FXN: variants seen among roughly 807,000 people sequenced by gnomAD.
FXN encodes frataxin, mitochondrial.
A neutral mutation model predicts 22.4 loss-of-function variants in FXN; 14 were observed. The observed-to-expected ratio is 0.62, with a 90% CI of 0.41 to 0.98. The LOEUF (loss-of-function observed/expected upper bound fraction) is 0.98. FXN is among the 50% of genes least tolerant of loss of function. FXN has a pLI of 0.00. For missense variants in FXN, 267 were observed against 268.4 expected, an observed-to-expected ratio of 0.99 and a Z score of 0.04; for synonymous variants, 120 against 114.1, an observed-to-expected ratio of 1.05 and a Z score of -0.33.
Position 69,072,894 on chromosome 9 carries a change from A to C in FXN, c.*132A>C, listed in dbSNP as rs1231680665. ...TCCTGCTTTTGAGGACAGTTGGGCT[A>C]TGTGTCACAGCTCTGTAGAAAGAAT... On this transcript the variant is annotated 3_prime_UTR_variant, in exon 5 of 5. Transcript: ENST00000484259. 1 of 1,551,414 alleles carries C rather than the reference A, an allele frequency of 6.4e-7. No individual in the cohort carries two copies. The highest frequency in any genetic ancestry group is 8.7e-7 in the Non-Finnish European group (1 of 1,154,590).
rs1360546356 is a variant in FXN at position 69,074,511 on chromosome 9, C to T, written c.*1749C>T. 1.0e-6 allele frequency: 1 copy of T among 958,452 alleles called. No homozygotes were observed. Among genetic ancestry groups the T allele is most frequent in the Admixed American group, 7.9e-5 (1 of 12,738 alleles). 59.4% of individuals were successfully genotyped at this position (958,452 alleles called of 1,614,324 possible). ...ATCGTACCTGAGCGACAGAGCGAGA[C>T]TCCGTCTCAAAAAAAAAAAAAAGGA... On this transcript the variant is annotated 3_prime_UTR_variant, in exon 5 of 5. Transcript: ENST00000484259.
At position 69,072,615 on chromosome 9, in the gene FXN, A is replaced by C. The variant is rs202038201; in HGVS notation, c.486A>C (p.Gly162=). 6.2e-7 allele frequency: 1 copy of C among 1,614,032 alleles called. No homozygotes were observed. Among genetic ancestry groups the C allele is most frequent in the Non-Finnish European group, 8.5e-7 (1 of 1,180,014 alleles). The part of the protein sequence containing the change: ...KQIWLSSPSS[G]PKRYDWTGKN... ...ATGCATTTGTTTTGTCTTCCAGTGGACCTAAGCGTTATGACTGGACTGGGA... is the reference window on the plus strand; with the variant it reads ...ATGCATTTGTTTTGTCTTCCAGTGGCCCTAAGCGTTATGACTGGACTGGGA... The change falls in exon 5 of 5, where the codon GGA becomes GGC. Residue 162 remains glycine (G), a synonymous_variant. Transcript: ENST00000484259.
chr9:69,039,068 C>T (rs1379641894), intron 1 of FXN, among the ~76,000 whole-genome samples: 1 of 151,978 alleles, frequency 6.6e-6, no homozygotes, highest in Non-Finnish European at 1.5e-5. Flanking sequence ...GCCTGGCCAA[C>T]ATGGTGAAAC....
chr9:69,071,499 T>C lies in FXN; in HGVS notation c.483-1113T>C, dbSNP rs113108371. Reference sequence around the variant, plus strand: ...CAGGGTGCCACATGCACTAGTGTTATCTGCTGCCGTGGCCAATCATCCATG... The same window carrying C: ...CAGGGTGCCACATGCACTAGTGTTACCTGCTGCCGTGGCCAATCATCCATG... On this transcript the variant is annotated intron_variant, in intron 4 of 4. Transcript: ENST00000484259. Among the ~76,000 whole-genome samples, 287 of 152,316 alleles carry C rather than the reference T, an allele frequency of 1.9e-3. 1 individual carries two copies. The highest frequency in any genetic ancestry group is 6.5e-3 in the African/African-American group (272 of 41,576).
Position 69,072,769 on chromosome 9 carries a change from GC to G in FXN, c.*11del. ...TTCCGGAAAAGATGCTTGATGCCCA[GC>G]CCCGTTTTAAGGACATTAAAAGCTA... On this transcript the variant is annotated 3_prime_UTR_variant, in exon 5 of 5. Coordinates refer to ENST00000484259, the MANE Select transcript of FXN (RefSeq NM_000144.5). 1 of 1,614,090 alleles carries G rather than the reference GC, an allele frequency of 6.2e-7. No homozygotes were observed. The highest frequency in any genetic ancestry group is 8.5e-7 in the Non-Finnish European group (1 of 1,180,024).
At chr9:69,064,176 A>G (rs1832126233) in intron 3 of FXN, among the ~76,000 whole-genome samples, 1 of 152,196 alleles carries the variant, frequency 6.6e-6, no homozygotes, top group South Asian at 2.1e-4. Flanking sequence ...TGTTTCTTTC[A>G]TATCTCACCC....
At chr9:69,069,416 A>G (rs754401753) in intron 4 of FXN, among the ~76,000 whole-genome samples, 1 of 152,214 alleles carries the variant, frequency 6.6e-6, no homozygotes, top group African/African-American at 2.4e-5. Context: ...CAGGCCATGA[A>G]TGTTGGAGTG....
chr9:69,054,337 C>T (rs2133112521), intron 3 of FXN, among the ~76,000 whole-genome samples: 1 of 152,264 alleles, frequency 6.6e-6, no homozygotes, highest in South Asian at 2.1e-4. Context: ...AACATTAGCC[C>T]CAGATCCTAG....
intron 3 of FXN, 40 bp from the exon 4 acceptor site, chr9:69,064,898 T>C (rs1424691201): frequency 1.1e-5 from 14 of 1,308,788 alleles, no homozygotes; most frequent in Non-Finnish European, 1.4e-5. Context: ...CTTTTTCTTG[T>C]TTTAATTTCT....
At chr9:69,056,042 C>T (rs527814760) in intron 3 of FXN, among the ~76,000 whole-genome samples, 1 of 152,134 alleles carries the variant, frequency 6.6e-6, no homozygotes, top group Non-Finnish European at 1.5e-5. Context: ...TGCCACCATA[C>T]TCGGCTAATT....
chr9:69,037,805 T>C (rs540163645), intron 1 of FXN, among the ~76,000 whole-genome samples: 1 of 152,278 alleles, frequency 6.6e-6, no homozygotes, highest in Non-Finnish European at 1.5e-5. Flanking sequence ...CCCGAGTAGC[T>C]GGGATTATCG....
At chr9:69,067,041 T>G (rs1832179504) in intron 4 of FXN, among the ~76,000 whole-genome samples, 1 of 151,670 alleles carries the variant, frequency 6.6e-6, no homozygotes, top group Non-Finnish European at 1.5e-5. Flanking sequence ...CGGATGGGAG[T>G]CGGGGGAAGG....
chr9:69,042,339 G>A (rs1424357092), intron 1 of FXN, among the ~76,000 whole-genome samples: 4 of 151,882 alleles, frequency 2.6e-5, no homozygotes, highest in African/African-American at 7.3e-5. Flanking sequence ...AGGCAGAGGC[G>A]GAAGTTTGCC....
intron 4 of FXN, among the ~76,000 whole-genome samples, chr9:69,067,204 C>T (rs1358589003): frequency 6.6e-6 from 1 of 152,252 alleles, no homozygotes; most frequent in African/African-American, 2.4e-5. Context: ...CGCTCCGGGC[C>T]TCACCACCAG....
Position 69,072,971 on chromosome 9 carries a change from AT to A in FXN, c.*215del. 1 of 1,436,744 alleles carries A rather than the reference AT, an allele frequency of 7.0e-7. No homozygotes were observed. The highest frequency in any genetic ancestry group is 9.1e-7 in the Non-Finnish European group (1 of 1,103,740). 89.0% of individuals were successfully genotyped at this position (1,436,744 alleles called of 1,614,324 possible). On this transcript the variant is annotated 3_prime_UTR_variant, in exon 5 of 5. Transcript: ENST00000484259. ...TTCTGATTTTTAATTTCTATGGAAG[AT>A]TTTTTGGATTGTCGGATTTCCTCCC...
intron 1 of FXN, among the ~76,000 whole-genome samples, chr9:69,045,181 G>A (rs990003116): frequency 1.3e-5 from 2 of 151,934 alleles, no homozygotes; most frequent in Non-Finnish European, 2.9e-5. Flanking sequence ...AAATTTAAAT[G>A]TAAATAGCTA....
chr9:69,047,974 T>C (rs902675523), intron 2 of FXN, among the ~76,000 whole-genome samples: 1 of 152,122 alleles, frequency 6.6e-6, no homozygotes, highest in African/African-American at 2.4e-5. Flanking sequence ...CGCCTCGGCC[T>C]CCCAAAGTGC....
chr9:69,072,912 G>A lies in FXN; in HGVS notation c.*150G>A. Reference sequence around the variant, plus strand: ...TTGGGCTATGTGTCACAGCTCTGTAGAAAGAATGTGTTGCCTCCTACCTTG... The same window carrying A: ...TTGGGCTATGTGTCACAGCTCTGTAAAAAGAATGTGTTGCCTCCTACCTTG... On this transcript the variant is annotated 3_prime_UTR_variant, in exon 5 of 5. Transcript: ENST00000484259. 4 of 1,508,200 alleles carry A rather than the reference G, an allele frequency of 2.7e-6. No homozygotes were observed. Among genetic ancestry groups the A allele is most frequent in the Non-Finnish European group, 3.5e-6 (4 of 1,134,294 alleles). 93.4% of individuals were successfully genotyped at this position (1,508,200 alleles called of 1,614,324 possible). A position where few individuals can be genotyped will look rare whatever the true frequency, so the allele number is the denominator to read the frequency against.
chr9:69,051,575 C>T (rs530011520), intron 2 of FXN, among the ~76,000 whole-genome samples: 2 of 152,284 alleles, frequency 1.3e-5, no homozygotes, highest in South Asian at 2.1e-4. Context: ...ATAAAGTTGA[C>T]ATTGCTACCT....
Sources: gnomAD v4.1 joint callset for allele counts (sites outside exome capture counted in the v4.1 genomes callset) on GRCh38, gnomAD v4.1.1 for gene constraint, MANE v1.5 for transcripts, NCBI Gene and HGNC (gene_info 2026-07-23, HGNC 2026-07-21) for gene names.